The following APPBP2 variants were observed in gnomAD, a reference collection of about 807,000 sequenced individuals.
APPBP2 encodes the protein amyloid beta precursor protein binding protein 2.
Under a neutral mutation model 76.0 loss-of-function variants are expected in APPBP2, and 15 were observed. That is an observed-to-expected ratio of 0.20 (90% confidence interval 0.13 to 0.30). The LOEUF is 0.30. Ranked by LOEUF, APPBP2 falls within the 10% of genes least tolerant of loss-of-function variation. The pLI, the probability that APPBP2 is intolerant of heterozygous loss-of-function variation, is 1.00. For missense variants in APPBP2, 401 were observed against 687.2 expected (o/e 0.58, Z 4.66); for synonymous variants, 222 against 242.2 (o/e 0.92, Z 0.77).
chr17:60,479,050 G>A (rs2090610734), intron 4 of APPBP2, 98 bp downstream of exon 4: 1 of 1,186,378 alleles, frequency 8.4e-7, no homozygotes, highest in Non-Finnish European at 1.2e-6. Context: ...TCATCTCAGA[G>A]ATTTACTCAA....
Position 60,443,449 on chromosome 17 carries a change from A to G in APPBP2, c.*4132T>C, listed in dbSNP as rs191089756. 6.5e-6 allele frequency: 1 copy of G among 152,732 alleles called. No homozygotes were observed. The highest frequency in any genetic ancestry group is 1.9e-4 in the East Asian group (1 of 5,188). 9.5% of individuals were successfully genotyped at this position (152,732 alleles called of 1,614,324 possible). The stretch of plus-strand genomic sequence containing the variant: ...TTTGTTTTTAACTGTTCCATTAAGA[A>G]CTTTTTATTTTGAGCCTATTAAACT... On this transcript the variant is annotated 3_prime_UTR_variant, in exon 13 of 13. Coordinates refer to ENST00000083182, the MANE Select transcript of APPBP2 (RefSeq NM_006380.5).
chr17:60,502,085 A>C (rs997615220), intron 1 of APPBP2, among the ~76,000 whole-genome samples: 5 of 152,112 alleles, frequency 3.3e-5, no homozygotes, highest in African/African-American at 9.7e-5. Flanking sequence ...TAATGGTCTT[A>C]CTCTGTCATC....
intron 4 of APPBP2, among the ~76,000 whole-genome samples, chr17:60,471,923 C>T (rs1050477651): frequency 2.6e-5 from 4 of 152,036 alleles, no homozygotes; most frequent in Non-Finnish European, 4.4e-5. Context: ...GTCAGGAGTT[C>T]GAGACCAGCC....
chr17:60,466,157 C>G (rs1028639826), intron 5 of APPBP2, 134 bp downstream of exon 5: 2 of 828,984 alleles, frequency 2.4e-6, no homozygotes, highest in Non-Finnish European at 1.7e-6. Flanking sequence ...TTTTCCATTA[C>G]AAATGTGTAC....
At chr17:60,509,929 A>C (rs934678151) in intron 1 of APPBP2, among the ~76,000 whole-genome samples, 12 of 152,228 alleles carry the variant, frequency 7.9e-5, no homozygotes, top group African/African-American at 2.9e-4. Flanking sequence ...ATAATTGTTA[A>C]AGCTAGGTGA....
At chr17:60,506,721 A>G (rs930429567) in intron 1 of APPBP2, among the ~76,000 whole-genome samples, 2 of 152,180 alleles carry the variant, frequency 1.3e-5, no homozygotes, top group African/African-American at 4.8e-5. Flanking sequence ...CAAGATATAC[A>G]TTCAATATTT....
chr17:60,489,610 CAA>C (rs746715643), intron 3 of APPBP2, among the ~76,000 whole-genome samples: 32 of 53,576 alleles, frequency 6.0e-4, no homozygotes, highest in Admixed American at 8.0e-4. Flanking sequence ...GACCATGTCT[CAA>C]AAAAAAAAAA....
At chr17:60,492,486 C>T (rs2090738065) in intron 3 of APPBP2, among the ~76,000 whole-genome samples, 1 of 152,194 alleles carries the variant, frequency 6.6e-6, no homozygotes, top group Non-Finnish European at 1.5e-5. Context: ...GAGGCTGTAC[C>T]CTTCAAAGCC....
intron 1 of APPBP2, among the ~76,000 whole-genome samples, chr17:60,512,999 G>C (rs79856973): frequency 6.8e-6 from 1 of 147,804 alleles, no homozygotes; most frequent in Non-Finnish European, 1.5e-5. Context: ...TATTCAAAAG[G>C]GAACGCTACA....
At chr17:60,486,628 G>A (rs2090680509) in intron 3 of APPBP2, among the ~76,000 whole-genome samples, 1 of 152,126 alleles carries the variant, frequency 6.6e-6, no homozygotes, top group Admixed American at 6.5e-5. Flanking sequence ...GCACACTGAT[G>A]GGTTTTGCGT....
intron 4 of APPBP2, among the ~76,000 whole-genome samples, chr17:60,469,964 A>G (rs938065950): frequency 6.6e-6 from 1 of 152,056 alleles, no homozygotes; most frequent in Non-Finnish European, 1.5e-5. Context: ...TGTACTCCAC[A>G]GCAGCTGCAC....
At chr17:60,452,113 C>G in intron 11 of APPBP2, 68 bp from the exon 12 acceptor site, 1 of 1,444,164 alleles carries the variant, frequency 6.9e-7, no homozygotes, top group Non-Finnish European at 9.6e-7. Flanking sequence ...ACTCAATGAG[C>G]AAAACTGATC....
At chr17:60,523,579 A>C (rs1213117126) in intron 1 of APPBP2, among the ~76,000 whole-genome samples, 1 of 152,226 alleles carries the variant, frequency 6.6e-6, no homozygotes, top group African/African-American at 2.4e-5. Context: ...CTGTAGTCTC[A>C]GCTACTCAGT....
At chr17:60,472,467 C>T (rs376284855) in intron 4 of APPBP2, among the ~76,000 whole-genome samples, 3 of 152,296 alleles carry the variant, frequency 2.0e-5, no homozygotes, top group African/African-American at 7.2e-5. Flanking sequence ...TAGGATTCAC[C>T]TTAAATCCTT....
At chr17:60,503,927 A>G (rs572188850) in intron 1 of APPBP2, among the ~76,000 whole-genome samples, 1 of 152,304 alleles carries the variant, frequency 6.6e-6, no homozygotes, top group South Asian at 2.1e-4. Flanking sequence ...CCATGTTCTT[A>G]ACAACTTACC....
At chr17:60,477,384 G>A (rs1322757243) in intron 4 of APPBP2, 2 of 152,148 alleles carry the variant, frequency 1.3e-5, no homozygotes, top group South Asian at 2.1e-4. Flanking sequence ...GATTGCCATA[G>A]TGAATAATCT....
intron 12 of APPBP2, among the ~76,000 whole-genome samples, chr17:60,448,288 A>G (rs111512853): frequency 0.082 from 12,508 of 152,018 alleles, 1,704 homozygotes; most frequent in African/African-American, 0.28. Context: ...CATGGTGAAT[A>G]CCCGTCTCTA....
intron 4 of APPBP2, chr17:60,477,578 G>A (rs555063296): frequency 6.6e-6 from 1 of 151,956 alleles, no homozygotes; most frequent in Non-Finnish European, 1.5e-5. Flanking sequence ...ATAAATTATA[G>A]GGCTAAATAC....
At chr17:60,481,623 G>GT (rs2090629953) in intron 3 of APPBP2, among the ~76,000 whole-genome samples, 2 of 152,252 alleles carry the variant, frequency 1.3e-5, no homozygotes, top group South Asian at 4.1e-4. Flanking sequence ...GTCAAAACTT[G>GT]TAATATTGAC....
Sources: gnomAD v4.1 joint callset for allele counts (sites outside exome capture counted in the v4.1 genomes callset) on GRCh38, gnomAD v4.1.1 for gene constraint, MANE v1.5 for transcripts, NCBI Gene and HGNC (gene_info 2026-07-23, HGNC 2026-07-21) for gene names.